The following CORO1C variants were observed in gnomAD, a reference collection of about 807,000 sequenced individuals.
CORO1C encodes the protein coronin-1C.
Under a neutral mutation model 51.2 loss-of-function variants are expected in CORO1C, and 14 were observed. That is an observed-to-expected ratio of 0.27 (90% CI 0.18 to 0.43). CORO1C has a LOEUF of 0.43. CORO1C is among the 20% of genes least tolerant of loss of function. The pLI, the probability that CORO1C is intolerant of heterozygous loss-of-function variation, is 1.00. For missense variants in CORO1C, 417 were observed against 607.8 expected (o/e 0.69, Z 3.30); for synonymous variants, 181 against 210.5 (o/e 0.86, Z 1.21).
chr12:108,661,524 T>A (rs2033259767), intron 4 of CORO1C, among the ~76,000 whole-genome samples: 1 of 152,232 alleles, frequency 6.6e-6, no homozygotes, highest in African/African-American at 2.4e-5. Flanking sequence ...GTGGTGGGAT[T>A]AAAAGTGATT....
intron 1 of CORO1C, among the ~76,000 whole-genome samples, chr12:108,728,315 C>G (rs1166464843): frequency 6.6e-6 from 1 of 151,040 alleles, no homozygotes; most frequent in Non-Finnish European, 1.5e-5. Flanking sequence ...ACGGCATATC[C>G]AAACAATGGA....
At chr12:108,663,587 C>T (rs764978826) in intron 3 of CORO1C, among the ~76,000 whole-genome samples, 6 of 152,128 alleles carry the variant, frequency 3.9e-5, no homozygotes, top group Admixed American at 2.6e-4. Context: ...CATAGAAGAC[C>T]GCATATTGCA....
rs1365927380 is a variant in CORO1C, at chr12:108,731,011, C to G, written c.-6+418G>C. On this transcript the variant is annotated intron_variant, in intron 1 of 10. Transcript: ENST00000261401. This position sits in a 1 kb window ranked among gnomAD's most constrained non-coding sequence, Gnocchi z 5.2. ...AGGCCTGGAGCCCCCGGGCTCTACGCCTCGCCCGAAGCAGCCCTTCCCTCC... is the reference window on the plus strand; with the variant it reads ...AGGCCTGGAGCCCCCGGGCTCTACGGCTCGCCCGAAGCAGCCCTTCCCTCC... 1 of 153,024 alleles carries G rather than the reference C, an allele frequency of 6.5e-6. No individual in the cohort carries two copies. The highest frequency in any genetic ancestry group is 1.9e-4 in the East Asian group (1 of 5,166). 9.5% of individuals were successfully genotyped at this position (153,024 alleles called of 1,614,324 possible).
At chr12:108,648,208 C>T (rs2032462662) in intron 10 of CORO1C, among the ~76,000 whole-genome samples, 1 of 152,190 alleles carries the variant, frequency 6.6e-6, no homozygotes, top group Non-Finnish European at 1.5e-5. Context: ...GGGACCTCCT[C>T]TCCCTGGTGC....
At chr12:108,686,986 C>T (rs1006912281) in intron 2 of CORO1C, among the ~76,000 whole-genome samples, 3 of 152,146 alleles carry the variant, frequency 2.0e-5, no homozygotes, top group Admixed American at 1.3e-4. Context: ...CATGTTCCAG[C>T]CAGCAACCTT....
intron 2 of CORO1C, among the ~76,000 whole-genome samples, chr12:108,699,916 T>A (rs1565928854): frequency 6.6e-6 from 1 of 152,202 alleles, no homozygotes; most frequent in Non-Finnish European, 1.5e-5. Context: ...GTGTTATCTA[T>A]CTGGCCACTG....
chr12:108,652,465 T>G (rs2032722840), intron 7 of CORO1C, 48 bp from the exon 8 acceptor site: 1 of 1,526,350 alleles, frequency 6.6e-7, no homozygotes. Context: ...AACTGAAACA[T>G]CTGGATTATG....
At position 108,656,517 on chromosome 12, in the gene CORO1C, C is replaced by T. The variant is rs964894429; in HGVS notation, c.750+787G>A. Among the ~76,000 whole-genome samples, 7 of 152,060 alleles carry T rather than the reference C, an allele frequency of 4.6e-5. No individual in the cohort carries two copies. In the South Asian group the frequency reaches 1.0e-3, roughly 22 times the overall value. The stretch of plus-strand genomic sequence containing the variant: ...CGCCCCTTCTGGGAATTGAGGAGCC[C>T]CTCTGCCCGGCCACCATCCTGTCTG... On this transcript the variant is annotated intron_variant, in intron 6 of 10. Transcript: ENST00000261401.
intron 3 of CORO1C, among the ~76,000 whole-genome samples, chr12:108,669,939 T>C (rs2033649355): frequency 6.6e-6 from 1 of 152,194 alleles, no homozygotes; most frequent in South Asian, 2.1e-4. Context: ...TACTTAAAGA[T>C]TTTTTAAAAT....
At chr12:108,647,989 T>G (rs575457032) in intron 10 of CORO1C, among the ~76,000 whole-genome samples, 232 of 152,306 alleles carry the variant, frequency 1.5e-3, no homozygotes, top group Admixed American at 2.9e-3. Flanking sequence ...TTGCCCTGTG[T>G]GTCCACTCCT....
intron 1 of CORO1C, among the ~76,000 whole-genome samples, chr12:108,713,369 T>C (rs2035237911): frequency 6.6e-6 from 1 of 152,176 alleles, no homozygotes; most frequent in South Asian, 2.1e-4. Context: ...CCAGGAATGG[T>C]AAAAATTAAG....
intron 1 of CORO1C, among the ~76,000 whole-genome samples, chr12:108,725,472 T>G (rs1394182884): frequency 6.6e-6 from 1 of 152,140 alleles, no homozygotes; most frequent in Non-Finnish European, 1.5e-5. Flanking sequence ...ATCTCCACAC[T>G]ACAGAGGAGG....
chr12:108,722,097 A>C (rs2035487177), intron 1 of CORO1C, among the ~76,000 whole-genome samples: 1 of 152,056 alleles, frequency 6.6e-6, no homozygotes, highest in Non-Finnish European at 1.5e-5. Flanking sequence ...TCCCCTTGAA[A>C]CCTTGCTGTA....
chr12:108,682,417 T>G (rs2034154704), intron 2 of CORO1C, among the ~76,000 whole-genome samples: 1 of 152,122 alleles, frequency 6.6e-6, no homozygotes, highest in Admixed American at 6.5e-5. Context: ...ACAAACAGAC[T>G]TTAAGGTGAA....
intron 3 of CORO1C, among the ~76,000 whole-genome samples, chr12:108,666,452 T>A (rs2033480716): frequency 6.6e-6 from 1 of 152,106 alleles, no homozygotes; most frequent in Non-Finnish European, 1.5e-5. Context: ...GGTCTGTAGG[T>A]CTTTCCACAC....
chr12:108,681,894 T>TA (rs1419733729), intron 2 of CORO1C, among the ~76,000 whole-genome samples: 1 of 152,052 alleles, frequency 6.6e-6, no homozygotes, highest in African/African-American at 2.4e-5. Flanking sequence ...GTACAGATTT[T>TA]AAAAAGACAG....
At chr12:108,686,005 C>T (rs1374876873) in intron 2 of CORO1C, among the ~76,000 whole-genome samples, 3 of 152,188 alleles carry the variant, frequency 2.0e-5, no homozygotes, top group Non-Finnish European at 2.9e-5. Context: ...ACCAAATCAG[C>T]ATACGTTATT....
intron 1 of CORO1C, among the ~76,000 whole-genome samples, chr12:108,708,565 A>C (rs2035093207): frequency 6.6e-6 from 1 of 151,164 alleles, no homozygotes; most frequent in South Asian, 2.1e-4. Context: ...AGGTTCAAGC[A>C]ATTCTCCTGC....
intron 1 of CORO1C, among the ~76,000 whole-genome samples, chr12:108,728,456 C>T (rs1231293918): frequency 2.0e-5 from 3 of 151,504 alleles, no homozygotes; most frequent in Non-Finnish European, 2.9e-5. Flanking sequence ...TTACATGAAA[C>T]GGGAGGACTT....
Sources: allele counts gnomAD v4.1 joint callset (sites outside exome capture counted in the v4.1 genomes callset), GRCh38; gene constraint gnomAD v4.1.1; non-coding constraint Gnocchi (gnomAD v3.1); transcripts MANE v1.5; gene names NCBI Gene and HGNC (gene_info 2026-07-23, HGNC 2026-07-21).